FGF14: variants seen among roughly 807,000 people sequenced by gnomAD.
FGF14 encodes the protein fibroblast growth factor 14, also known as fibroblast growth factor homologous factor 4.
In FGF14, 5 loss-of-function variants were observed where a neutral mutation model predicts 25.5. That is an observed-to-expected ratio of 0.20 (90% confidence interval 0.10 to 0.41). The LOEUF (loss-of-function observed/expected upper bound fraction) is 0.41, where lower values mean the gene tolerates loss of function less well. Among genes scored for constraint, FGF14 ranks in the 10% least tolerant of loss-of-function variants. The pLI is 1.00. For synonymous variants in FGF14, 138 were observed against 118.3 expected, an observed-to-expected ratio of 1.17 and a Z score of -1.08; for missense variants, 222 against 320.1, an observed-to-expected ratio of 0.69 and a Z score of 2.34.
intron 3 of FGF14, among the ~76,000 whole-genome samples, chr13:101,798,589 G>A (rs1174384460): frequency 6.6e-6 from 1 of 152,040 alleles, no homozygotes; most frequent in Non-Finnish European, 1.5e-5. Context: ...GGGTTGGGGG[G>A]CATGTGGTCA....
At chr13:102,030,821 A>C (rs982947806) in intron 1 of FGF14, among the ~76,000 whole-genome samples, 1 of 152,036 alleles carries the variant, frequency 6.6e-6, no homozygotes, top group African/African-American at 2.4e-5. Context: ...TTCCCATAAA[A>C]ATCTAGGCTC....
At chr13:102,136,602 A>G (rs886688696) in intron 1 of FGF14, among the ~76,000 whole-genome samples, 1 of 152,028 alleles carries the variant, frequency 6.6e-6, no homozygotes, top group African/African-American at 2.4e-5. Context: ...TTCTTCTAGG[A>G]TCAACATAGG....
intron 1 of FGF14, among the ~76,000 whole-genome samples, chr13:102,194,185 T>A (rs992516100): frequency 2.5e-4 from 38 of 152,250 alleles, no homozygotes; most frequent in African/African-American, 9.1e-4. Flanking sequence ...TGTTACAAAA[T>A]TAGCCAACTT....
intron 1 of FGF14, among the ~76,000 whole-genome samples, chr13:102,350,149 A>C (rs982745446): frequency 6.6e-5 from 10 of 152,134 alleles, no homozygotes; most frequent in African/African-American, 1.9e-4. Flanking sequence ...TAACCTCAAA[A>C]ATTCAGCCAG....
At chr13:101,879,418 T>C (rs1055542568) in intron 1 of FGF14, among the ~76,000 whole-genome samples, 16 of 152,284 alleles carry the variant, frequency 1.1e-4, no homozygotes, top group Admixed American at 1.3e-4. Flanking sequence ...TGCAAATCAG[T>C]CCGACTGCCT....
At chr13:102,251,193 G>A (rs2052153929) in intron 1 of FGF14, among the ~76,000 whole-genome samples, 1 of 152,048 alleles carries the variant, frequency 6.6e-6, no homozygotes, top group African/African-American at 2.4e-5. Context: ...TCATTGGTAT[G>A]GTATCTTTGT....
chr13:101,724,597 AATATATATATATATATAT>A (rs201033233), intron 4 of FGF14, among the ~76,000 whole-genome samples: 14 of 121,282 alleles, frequency 1.2e-4, no homozygotes, highest in South Asian at 2.8e-4. Context: ...ATAATAATAA[AATATATATATATATATAT>A]ATATATATAT....
chr13:102,245,669 G>A (rs1157918167), intron 1 of FGF14, among the ~76,000 whole-genome samples: 1 of 151,996 alleles, frequency 6.6e-6, no homozygotes, highest in East Asian at 1.9e-4. Flanking sequence ...AGCATTTCCT[G>A]AACACACACT....
At chr13:102,099,819 T>C (rs2044575641) in intron 1 of FGF14, among the ~76,000 whole-genome samples, 2 of 152,182 alleles carry the variant, frequency 1.3e-5, no homozygotes, top group South Asian at 2.1e-4. Flanking sequence ...AATAAAATAA[T>C]AATGACTATG....
chr13:101,966,468 T>C (rs1039200894), intron 1 of FGF14, among the ~76,000 whole-genome samples: 12 of 151,590 alleles, frequency 7.9e-5, no homozygotes, highest in Non-Finnish European at 1.6e-4. Context: ...GAATAAATCT[T>C]GTGGTTTTTT....
chr13:102,283,981 T>C (rs1334245111), intron 1 of FGF14, among the ~76,000 whole-genome samples: 1 of 152,250 alleles, frequency 6.6e-6, no homozygotes, highest in Non-Finnish European at 1.5e-5. Flanking sequence ...CGTTGGCACT[T>C]ACTTTTGCAG....
chr13:101,825,500 C>A (rs1372860624), intron 3 of FGF14, among the ~76,000 whole-genome samples: 2 of 152,112 alleles, frequency 1.3e-5, no homozygotes, highest in African/African-American at 4.8e-5. Context: ...CATTTTCAAT[C>A]TTTGCCGATT....
intron 3 of FGF14, among the ~76,000 whole-genome samples, chr13:101,756,807 G>T (rs1173896809): frequency 6.6e-6 from 1 of 152,042 alleles, no homozygotes; most frequent in East Asian, 1.9e-4. Context: ...AATAACAGTT[G>T]AATCTACATA....
intron 1 of FGF14, among the ~76,000 whole-genome samples, chr13:101,980,387 T>C (rs2038175652): frequency 1.3e-5 from 2 of 151,902 alleles, no homozygotes; most frequent in African/African-American, 4.8e-5. Context: ...GGTTTTCGAT[T>C]ATGAGAGTGT....
chr13:101,730,852 G>T, intron 3 of FGF14, among the ~76,000 whole-genome samples: 1 of 152,184 alleles, frequency 6.6e-6, no homozygotes, highest in East Asian at 1.9e-4. Context: ...CTCAGGCTCT[G>T]TGGTGAGGAG....
At chr13:101,810,570 G>A (rs1446325222) in intron 3 of FGF14, among the ~76,000 whole-genome samples, 3 of 152,168 alleles carry the variant, frequency 2.0e-5, no homozygotes, top group African/African-American at 7.2e-5. Context: ...AGGACTGGAT[G>A]ACCCTGTCCT....
At chr13:101,926,105 T>G (rs1002902717) in intron 1 of FGF14, among the ~76,000 whole-genome samples, 1 of 152,176 alleles carries the variant, frequency 6.6e-6, no homozygotes, top group Non-Finnish European at 1.5e-5. Flanking sequence ...ATCTGCAAAA[T>G]CGTGTAAACT....
intron 1 of FGF14, among the ~76,000 whole-genome samples, chr13:102,342,079 G>A (rs2056968922): frequency 2.0e-5 from 3 of 152,134 alleles, no homozygotes; most frequent in Admixed American, 2.0e-4. Flanking sequence ...AGTGTTTTCT[G>A]ATACTTTTAA....
intron 1 of FGF14, among the ~76,000 whole-genome samples, chr13:102,298,333 C>T (rs2054839295): frequency 6.6e-6 from 1 of 152,068 alleles, no homozygotes; most frequent in Non-Finnish European, 1.5e-5. Flanking sequence ...CAGGGTGGAG[C>T]TATCTCAAAG....
Sources: allele counts gnomAD v4.1 joint callset (sites outside exome capture counted in the v4.1 genomes callset), GRCh38; gene constraint gnomAD v4.1.1; transcripts MANE v1.5; gene names NCBI Gene and HGNC (gene_info 2026-07-23, HGNC 2026-07-21).